The following SACS variants were observed in gnomAD, a reference collection of about 807,000 sequenced individuals.
SACS encodes the protein sacsin molecular chaperone, also known as sacsin.
SACS carries 197 observed loss-of-function variants against 348.0 expected under a neutral mutation model. The ratio of observed to expected loss-of-function variants is 0.57; its 90% CI spans 0.50 to 0.64. The LOEUF (loss-of-function observed/expected upper bound fraction) is 0.64. SACS is among the 30% of genes least tolerant of loss of function. The probability of loss-of-function intolerance (pLI) is 0.00; values close to 1 mark genes in which losing one functional copy is unlikely to be tolerated. For synonymous variants in SACS, 1,985 were observed against 1,910.6 expected, an observed-to-expected ratio of 1.04 and a Z score of -1.02; for missense variants, 4,999 against 5,360.8, an observed-to-expected ratio of 0.93 and a Z score of 2.11.
chr13:23,414,236 G>A (rs1055540859), intron 1 of SACS, among the ~76,000 whole-genome samples: 7 of 152,162 alleles, frequency 4.6e-5, no homozygotes, highest in South Asian at 2.1e-4. Context: ...CCCGGAAGGC[G>A]GAGCCTACAG....
rs1421027259 is a variant in SACS, at chr13:23,340,331, GCA to G, written c.3543_3544del (p.Ala1182ThrfsTer6). 6.2e-7 allele frequency: 1 copy of G among 1,613,822 alleles called. No individual in the cohort carries two copies. The highest frequency in any genetic ancestry group is 8.5e-7 in the Non-Finnish European group (1 of 1,179,950). On this transcript the variant is annotated frameshift_variant, in exon 10 of 10. Transcript: ENST00000382292. LOFTEE classifies it high-confidence loss of function. ...GCCTACATCACACATATCTGGTGGT[GCA>G]CAGAGATTACAGAGATCTCCTTTCC...
chr13:23,368,341 A>G, intron 5 of SACS, 61 bp downstream of exon 5: 1 of 1,274,688 alleles, frequency 7.8e-7, no homozygotes, highest in Non-Finnish European at 1.1e-6. Flanking sequence ...ACTTTCAAGT[A>G]AATTTACTTC....
chr13:23,407,221 C>T (rs1277822055), intron 2 of SACS, among the ~76,000 whole-genome samples: 2 of 152,088 alleles, frequency 1.3e-5, no homozygotes, highest in African/African-American at 2.4e-5. Context: ...TTTTTCAAGA[C>T]GGAGTCTTGC....
At chr13:23,368,903 G>A (rs955009692) in intron 4 of SACS, among the ~76,000 whole-genome samples, 16 of 152,194 alleles carry the variant, frequency 1.1e-4, no homozygotes, top group East Asian at 5.8e-4. Flanking sequence ...GTTTCACCAT[G>A]TTAGCCAGGA....
chr13:23,402,361 C>G (rs1203389691), intron 2 of SACS, among the ~76,000 whole-genome samples: 1 of 152,118 alleles, frequency 6.6e-6, no homozygotes, highest in Non-Finnish European at 1.5e-5. Flanking sequence ...TTCTGTTAAG[C>G]TATCTATAAC....
intron 2 of SACS, among the ~76,000 whole-genome samples, chr13:23,394,641 G>A (rs1046857387): frequency 1.3e-5 from 2 of 152,178 alleles, no homozygotes; most frequent in African/African-American, 4.8e-5. Context: ...ATCACCTGAG[G>A]TCAGGAGTTT....
rs375025693 is a variant in SACS at position 23,332,272 on chromosome 13, T to C, written c.11604A>G (p.Gln3868=). The C allele has an allele frequency of 2.2e-5, 35 of 1,613,900 alleles. No individual in the cohort carries two copies. Among genetic ancestry groups the C allele is most frequent in the African/African-American group, 2.7e-5 (2 of 74,922 alleles). Residue 3868 remains glutamine, a synonymous_variant, in exon 10 of 10, where the codon CAA becomes CAG. Coordinates refer to ENST00000382292, the MANE Select transcript of SACS (RefSeq NM_014363.6). The part of the protein sequence containing the change: ...SRIFKNSEGK[Q]LDPNEMRTVK... Reference sequence around the variant, plus strand: ...CTGTACGCATTTCATTAGGATCTAATTGTTTGCCCTCAGAATTTTTAAATA... The same window carrying C: ...CTGTACGCATTTCATTAGGATCTAACTGTTTGCCCTCAGAATTTTTAAATA...
intron 1 of SACS, among the ~76,000 whole-genome samples, chr13:23,432,966 A>G (rs1166054350): frequency 6.6e-6 from 1 of 152,202 alleles, no homozygotes; most frequent in East Asian, 1.9e-4. Context: ...AGCGAGAGAG[A>G]GGTTTTGTTG....
Position 23,331,101 on chromosome 13 carries a change from G to C in SACS, c.12775C>G (p.Pro4259Ala), listed in dbSNP as rs182578138. 7.4e-6 allele frequency: 12 copies of C among 1,613,960 alleles called. No homozygotes were observed. The South Asian group carries it at 1.2e-4, about 16-fold the overall frequency. The change falls in exon 10 of 10, where the codon CCT becomes GCT. Residue 4259 changes from proline to alanine, a missense_variant. Physicochemically the swap from Pro to Ala is conservative, Grantham distance 27. This residue lies in a region of SACS where 831 missense variants were observed against 941.8 expected (regional missense o/e 0.88). Transcript: ENST00000382292. ...EESSQSRDSAPSTPTSPTEFL... is the reference protein window; with the variant it reads ...EESSQSRDSAASTPTSPTEFL... The stretch of plus-strand genomic sequence containing the variant: ...TCAGTGGGGCTGGTTGGTGTAGAAG[G>C]AGCACTGTCCCTGCTTTGAGAGCTT...
chr13:23,351,990 C>A (rs938960828), intron 9 of SACS, among the ~76,000 whole-genome samples: 7 of 152,168 alleles, frequency 4.6e-5, no homozygotes, highest in African/African-American at 1.4e-4. Context: ...TTAATTTATA[C>A]ATTTAACTCA....
rs747237629 is a variant in SACS, at chr13:23,375,143, C to T, written c.147G>A (p.Gln49=). 5.3e-6 allele frequency: 8 copies of T among 1,503,378 alleles called. No homozygotes were observed. The highest frequency in any genetic ancestry group is 3.8e-5 in the South Asian group (3 of 79,546). 93.1% of individuals were successfully genotyped at this position (1,503,378 alleles called of 1,614,324 possible). ...CCTCGCGGCCGCCGCGCCACAGCCGCTGCTCCGACACCGGGAAGCCAGTCT... is the reference window on the plus strand; with the variant it reads ...CCTCGCGGCCGCCGCGCCACAGCCGTTGCTCCGACACCGGGAAGCCAGTCT... ...FAETGFPVSE[Q]RLWRGGRELS... The change falls in exon 3 of 10, where the codon CAG becomes CAA. Residue 49 remains glutamine, a synonymous_variant. Coordinates refer to ENST00000382292, the MANE Select transcript of SACS (RefSeq NM_014363.6).
intron 4 of SACS, 32 bp from the exon 5 acceptor site, chr13:23,368,519 G>GA: frequency 1.8e-5 from 28 of 1,518,928 alleles, no homozygotes; most frequent in Middle Eastern, 1.7e-4. Flanking sequence ...AAGTGAGTTA[G>GA]AAAAAAAATC....
intron 2 of SACS, among the ~76,000 whole-genome samples, chr13:23,402,517 A>G (rs554910932): frequency 1.3e-5 from 2 of 152,342 alleles, no homozygotes; most frequent in South Asian, 2.1e-4. Context: ...ATTTATTTGC[A>G]TAAGTTCAAT....
chr13:23,370,121 G>C (rs1292771292), intron 4 of SACS, among the ~76,000 whole-genome samples: 1 of 152,156 alleles, frequency 6.6e-6, no homozygotes, highest in Admixed American at 6.5e-5. Flanking sequence ...GCCTCCCAAA[G>C]TGCTGGGATT....
Position 23,337,319 on chromosome 13 carries a change from C to T in SACS, c.6557G>A (p.Ser2186Asn). 6.2e-7 allele frequency: 1 copy of T among 1,613,876 alleles called. No homozygotes were observed. The highest frequency in any genetic ancestry group is 8.5e-7 in the Non-Finnish European group (1 of 1,179,886). Residue 2186 changes from serine to asparagine, a missense_variant, in exon 10 of 10, where the codon AGT becomes AAT. Ser to Asn is a conservative substitution (Grantham distance 46). Around this residue, in one of 6 missense-constraint regions of SACS, gnomAD observed 3,156 missense variants for 3,380.1 expected, o/e 0.93. Transcript: ENST00000382292. ...SDHVAACLRS[S>N]ILLSLIDEKL... ...CTCATCGATAAGACTCAATAAGATA[C>T]TACTTCTTAGGCATGCAGCAACATG...
At chr13:23,414,116 AAC>A (rs1873610692) in intron 1 of SACS, among the ~76,000 whole-genome samples, 2 of 152,272 alleles carry the variant, frequency 1.3e-5, no homozygotes, top group Admixed American at 1.3e-4. Flanking sequence ...CATCCTGGCT[AAC>A]ACAGTGAAAC....
rs61760905 is a variant in SACS, at chr13:23,353,790, G to C, written c.2180C>G (p.Thr727Ser). Residue 727 changes from threonine to serine, a missense_variant, in exon 9 of 10, where the codon ACC becomes AGC. Physicochemically the swap from Thr to Ser is moderately conservative, Grantham distance 58. Coordinates refer to ENST00000382292, the MANE Select transcript of SACS (RefSeq NM_014363.6). Reference sequence around the variant, plus strand: ...AGAATACTAAACTATAATACCTCGGGTTTGGGCAGCTTCCTTTAAAGCAGC... The same window carrying C: ...AGAATACTAAACTATAATACCTCGGCTTTGGGCAGCTTCCTTTAAAGCAGC... ...LVAALKEAAQ[T>S]RGRPCTQLQL... The C allele has an allele frequency of 7.6e-5, 120 of 1,575,582 alleles. No homozygotes were observed. Among genetic ancestry groups the C allele is most frequent in the Non-Finnish European group, 9.5e-5 (109 of 1,145,628 alleles).
At chr13:23,399,848 C>T (rs949474295) in intron 2 of SACS, among the ~76,000 whole-genome samples, 10 of 151,938 alleles carry the variant, frequency 6.6e-5, no homozygotes, top group African/African-American at 2.4e-4. Flanking sequence ...CTTGAGATAA[C>T]CTCCCCTCCT....
chr13:23,348,554 A>G (rs576257776), intron 9 of SACS, among the ~76,000 whole-genome samples: 1 of 152,310 alleles, frequency 6.6e-6, no homozygotes, highest in South Asian at 2.1e-4. Context: ...CACAGTAAAA[A>G]CATGATTCTA....
Sources: gnomAD v4.1 joint callset for allele counts (sites outside exome capture counted in the v4.1 genomes callset) on GRCh38, gnomAD v4.1.1 for gene constraint, gnomAD v4.1.1 regional missense constraint, MANE v1.5 for transcripts, NCBI Gene and HGNC (gene_info 2026-07-23, HGNC 2026-07-21) for gene names.